DOCK3: variants seen among roughly 807,000 people sequenced by gnomAD.
DOCK3 encodes dedicator of cytokinesis protein 3.
A neutral mutation model predicts 265.6 loss-of-function variants in DOCK3; 60 were observed. The ratio of observed to expected loss-of-function variants is 0.23; its 90% confidence interval spans 0.18 to 0.28. The LOEUF (loss-of-function observed/expected upper bound fraction) is 0.28. DOCK3 is among the 10% of genes least tolerant of loss of function. The pLI, the probability that DOCK3 is intolerant of heterozygous loss-of-function variation, is 1.00. For synonymous variants in DOCK3, 881 were observed against 938.0 expected, an observed-to-expected ratio of 0.94 and a Z score of 1.11; for missense variants, 1,981 against 2,594.3, an observed-to-expected ratio of 0.76 and a Z score of 5.14.
At chr3:51,210,615 G>A (rs1343786201) in intron 13 of DOCK3, among the ~76,000 whole-genome samples, 1 of 152,178 alleles carries the variant, frequency 6.6e-6, no homozygotes, top group African/African-American at 2.4e-5. Flanking sequence ...CTGAGCATGA[G>A]TTTTCTACTG....
At position 51,014,595 on chromosome 3, in the gene DOCK3, G is replaced by C. The variant is rs533564710; in HGVS notation, c.316-49853G>C. 2.1e-4 allele frequency among the ~76,000 whole-genome samples: 32 copies of C among 152,114 alleles called. No individual in the cohort carries two copies. In the South Asian group the frequency reaches 6.2e-3, roughly 30 times the overall value. On this transcript the variant is annotated intron_variant, in intron 5 of 52. Coordinates refer to ENST00000266037, the MANE Select transcript of DOCK3 (RefSeq NM_004947.5). ...TATTGTTATTAATGTGATTCCTCCA[G>C]TTTTGTTCTTTTTTGCTCAGAATGG...
chr3:50,933,944 G>C (rs755228339), intron 4 of DOCK3, 37 bp from the exon 5 acceptor site: 1 of 1,425,800 alleles, frequency 7.0e-7, no homozygotes, highest in Admixed American at 2.3e-5. Context: ...ATTTTTTTCA[G>C]AGATAATGTG....
chr3:50,959,783 T>C (rs963252004), intron 5 of DOCK3, among the ~76,000 whole-genome samples: 1 of 152,074 alleles, frequency 6.6e-6, no homozygotes, highest in African/African-American at 2.4e-5. Context: ...GGTTTCACCG[T>C]GTTAGCCAGG....
chr3:51,229,906 T>G (rs1490925071), intron 19 of DOCK3, among the ~76,000 whole-genome samples: 1 of 152,208 alleles, frequency 6.6e-6, no homozygotes, highest in Non-Finnish European at 1.5e-5. Flanking sequence ...TCCCTCAGCC[T>G]CTGGTATTCC....
At chr3:50,782,354 G>A (rs1206208921) in intron 2 of DOCK3, among the ~76,000 whole-genome samples, 4 of 138,474 alleles carry the variant, frequency 2.9e-5, no homozygotes, top group African/African-American at 1.1e-4. Context: ...GCAGTGGCGC[G>A]ATCTCGGCTC....
chr3:51,077,679 G>C (rs2082098805), intron 7 of DOCK3, among the ~76,000 whole-genome samples: 1 of 152,178 alleles, frequency 6.6e-6, no homozygotes, highest in African/African-American at 2.4e-5. Flanking sequence ...AGTGAAATGG[G>C]AAACCTTGTG....
intron 22 of DOCK3, among the ~76,000 whole-genome samples, chr3:51,250,292 AAAAATAAT>A (rs1188327113): frequency 5.2e-4 from 77 of 147,720 alleles, no homozygotes; most frequent in African/African-American, 1.8e-3. Context: ...AAAAATTAAA[AAAAATAAT>A]AAAAAATAAA....
intron 5 of DOCK3, among the ~76,000 whole-genome samples, chr3:51,047,936 G>C (rs1236716815): frequency 4.6e-5 from 7 of 152,020 alleles, no homozygotes; most frequent in East Asian, 1.9e-4. Context: ...TAAAAGAAAA[G>C]ATAACTTCAG....
rs370809812 is a variant in DOCK3, at chr3:51,228,642, T to C, written c.1648-19T>C. On this transcript the variant is annotated intron_variant, in intron 17 of 52. Transcript: ENST00000266037. ...TTGCATGGCTCAGGGGACATTTTTT[T>C]CTCCATTTTTGCCTACAGTGTGATG... The C allele has an allele frequency of 6.0e-5, 96 of 1,605,028 alleles. No homozygotes were observed. In the Middle Eastern group the frequency reaches 1.4e-3, roughly 23 times the overall value.
At position 50,855,656 on chromosome 3, in the gene DOCK3, T is replaced by G. The variant is rs548176640; in HGVS notation, c.162+13941T>G. On this transcript the variant is annotated intron_variant, in intron 3 of 52. Coordinates refer to ENST00000266037, the MANE Select transcript of DOCK3 (RefSeq NM_004947.5). ...TCCTATTTGGATGCCTTTTATTTCT[T>G]ATTTATTTATTTATTTATTTATTTC... 4.6e-5 allele frequency among the ~76,000 whole-genome samples: 7 copies of G among 151,970 alleles called. No homozygotes were observed. In the East Asian group the frequency reaches 1.4e-3, roughly 29 times the overall value.
intron 49 of DOCK3, 31 bp downstream of exon 49, chr3:51,362,705 G>A (rs781060219): frequency 1.2e-6 from 2 of 1,606,854 alleles, no homozygotes; most frequent in African/African-American, 1.3e-5. Flanking sequence ...CTTGCAGAAT[G>A]GAGAAGAGAG....
rs541672577 is a variant in DOCK3, at chr3:50,714,742, C to T, written c.37+39442C>T. Among the ~76,000 whole-genome samples the T allele has an allele frequency of 4.6e-5, 7 of 152,312 alleles. No homozygotes were observed. In the East Asian group the frequency reaches 1.4e-3, roughly 29 times the overall value. On this transcript the variant is annotated intron_variant, in intron 1 of 52. Transcript: ENST00000266037. ...GTGAGCCACTGCACCCAGCTTCTAA[C>T]TACCTCTCTAAGTCTCCCTCTTTCC...
intron 52 of DOCK3, among the ~76,000 whole-genome samples, chr3:51,380,834 A>G (rs574495275): frequency 2.8e-3 from 428 of 152,306 alleles, no homozygotes; most frequent in Middle Eastern, 6.8e-3. Flanking sequence ...CAGCCAGGGC[A>G]GGGCAATTTT....
At position 51,087,338 on chromosome 3, in the gene DOCK3, A is replaced by G. The variant is rs532266139; in HGVS notation, c.550-1905A>G. 1.6e-4 allele frequency among the ~76,000 whole-genome samples: 25 copies of G among 152,362 alleles called. No homozygotes were observed. In the East Asian group the frequency reaches 4.8e-3, roughly 29 times the overall value. ...ATGCAAGCGTGGTTCAACATGTGCA[A>G]ATCAATCAGTGTGATACATCACATT... On this transcript the variant is annotated intron_variant, in intron 7 of 52. Transcript: ENST00000266037.
At chr3:50,856,368 A>C (rs1321674597) in intron 3 of DOCK3, among the ~76,000 whole-genome samples, 3 of 152,112 alleles carry the variant, frequency 2.0e-5, no homozygotes, top group Admixed American at 6.5e-5. Context: ...TTTTTTAATA[A>C]ATAGCCATTT....
At chr3:51,074,291 C>A (rs1367979326) in intron 6 of DOCK3, among the ~76,000 whole-genome samples, 1 of 152,066 alleles carries the variant, frequency 6.6e-6, no homozygotes, top group African/African-American at 2.4e-5. Context: ...GGTCTACAAC[C>A]CTATAAACTC....
intron 4 of DOCK3, among the ~76,000 whole-genome samples, chr3:50,901,497 C>T (rs969576994): frequency 6.6e-6 from 1 of 151,866 alleles, no homozygotes; most frequent in African/African-American, 2.4e-5. Context: ...TGCTTGCTGG[C>T]GTTCCAGGCA....
chr3:51,100,991 G>A (rs1456659380), intron 9 of DOCK3, among the ~76,000 whole-genome samples: 1 of 149,840 alleles, frequency 6.7e-6, no homozygotes, highest in African/African-American at 2.5e-5. Flanking sequence ...TTTTTGTAGA[G>A]ATGACATCTT....
intron 5 of DOCK3, among the ~76,000 whole-genome samples, chr3:50,939,826 A>C (rs184393040): frequency 2.7e-4 from 41 of 152,258 alleles, no homozygotes; most frequent in African/African-American, 9.9e-4. Context: ...AGCTCTCAAC[A>C]CTCCTATCAA....
Sources: gnomAD v4.1 joint callset for allele counts (sites outside exome capture counted in the v4.1 genomes callset) on GRCh38, gnomAD v4.1.1 for gene constraint, MANE v1.5 for transcripts, NCBI Gene and HGNC (gene_info 2026-07-23, HGNC 2026-07-21) for gene names.